Variants in HMGA2 observed in about 807,000 individuals in gnomAD.
The protein encoded by HMGA2 is high mobility group AT-hook 2.
In HMGA2, 8 loss-of-function variants were observed where a neutral mutation model predicts 19.1. That is an observed-to-expected ratio of 0.42 (90% CI 0.25 to 0.76). HMGA2 has a LOEUF of 0.76. HMGA2 is among the 30% of genes least tolerant of loss of function. The pLI is 0.28. For synonymous variants in HMGA2, 60 were observed against 48.8 expected (o/e 1.23, Z -0.96); for missense variants, 109 against 136.3 (o/e 0.80, Z 1.00).
At chr12:65,877,764 G>A (rs1045738699) in intron 3 of HMGA2, among the ~76,000 whole-genome samples, 2 of 151,888 alleles carry the variant, frequency 1.3e-5, no homozygotes, top group South Asian at 4.2e-4. Context: ...TGGAGCAATG[G>A]ATGACCTGCC....
chr12:65,828,222 T>A, intron 2 of HMGA2, 135 bp downstream of exon 2: 1 of 715,396 alleles, frequency 1.4e-6, no homozygotes, highest in Non-Finnish European at 2.6e-6. Flanking sequence ...TTCTTACATT[T>A]AACATTAGTT....
intron 3 of HMGA2, among the ~76,000 whole-genome samples, chr12:65,944,258 G>A (rs1034111911): frequency 6.6e-6 from 1 of 152,132 alleles, no homozygotes; most frequent in Non-Finnish European, 1.5e-5. Context: ...TTAATTCAAA[G>A]TGACAGTTTT....
chr12:65,958,348 T>G (rs2121324264), intron 4 of HMGA2: 1 of 152,358 alleles, frequency 6.6e-6, no homozygotes, highest in African/African-American at 2.4e-5. Flanking sequence ...CGCCTAGCAT[T>G]TCCACCAGAA....
intron 3 of HMGA2, among the ~76,000 whole-genome samples, chr12:65,870,487 T>C (rs1433223832): frequency 6.6e-6 from 1 of 152,256 alleles, no homozygotes; most frequent in East Asian, 1.9e-4. Context: ...TCCCAGCACT[T>C]TGGGAGGCCG....
intron 3 of HMGA2, among the ~76,000 whole-genome samples, chr12:65,899,420 C>T (rs2121169313): frequency 6.6e-6 from 1 of 152,344 alleles, no homozygotes; most frequent in East Asian, 1.9e-4. Flanking sequence ...CACTGGCTCT[C>T]TTCCTTATTA....
At chr12:65,948,160 C>T (rs1207516318) in intron 3 of HMGA2, among the ~76,000 whole-genome samples, 1 of 152,070 alleles carries the variant, frequency 6.6e-6, no homozygotes. Context: ...CCTGGACCCT[C>T]CCAGTAACAA....
intron 3 of HMGA2, among the ~76,000 whole-genome samples, chr12:65,879,289 G>T (rs900347986): frequency 1.5e-5 from 2 of 136,822 alleles, no homozygotes; most frequent in African/African-American, 6.4e-5. Context: ...CACCATACCA[G>T]CTATTTTTTT....
intron 3 of HMGA2, among the ~76,000 whole-genome samples, chr12:65,896,651 G>A (rs1040318794): frequency 1.3e-5 from 2 of 152,160 alleles, no homozygotes; most frequent in African/African-American, 4.8e-5. Context: ...GCTGCTACTC[G>A]TAAGTCAATG....
chr12:65,911,470 C>A (rs573092565), intron 3 of HMGA2, among the ~76,000 whole-genome samples: 2 of 152,280 alleles, frequency 1.3e-5, no homozygotes, highest in African/African-American at 4.8e-5. Flanking sequence ...CTCTACTCAA[C>A]AGAGCAGCTT....
At chr12:65,881,394 C>T in intron 3 of HMGA2, 1 of 290,700 alleles carries the variant, frequency 3.4e-6, no homozygotes, top group Non-Finnish European at 6.5e-6. Flanking sequence ...ATCTGCCTTC[C>T]CTCCAACATC....
chr12:65,866,703 C>G, intron 3 of HMGA2: 1 of 421,194 alleles, frequency 2.4e-6, no homozygotes, highest in Middle Eastern at 3.5e-4. Context: ...TAGCCCGCTT[C>G]TCATTCTTCA....
At chr12:65,854,499 G>C (rs1221843842) in intron 3 of HMGA2, among the ~76,000 whole-genome samples, 1 of 152,098 alleles carries the variant, frequency 6.6e-6, no homozygotes, top group Non-Finnish European at 1.5e-5. Context: ...GTACTTATTT[G>C]TGTGTGTGTA....
intron 2 of HMGA2, 34 bp downstream of exon 2, chr12:65,828,121 A>G: frequency 6.8e-7 from 1 of 1,471,452 alleles, no homozygotes; most frequent in Non-Finnish European, 9.5e-7. Flanking sequence ...TCCTAACTTC[A>G]TCAATGACTG....
At chr12:65,901,579 G>A (rs1223200117) in intron 3 of HMGA2, among the ~76,000 whole-genome samples, 1 of 152,172 alleles carries the variant, frequency 6.6e-6, no homozygotes, top group African/African-American at 2.4e-5. Flanking sequence ...AATAGCAAGT[G>A]AAACAAATTA....
At chr12:65,952,407 C>T (rs775872017) in intron 4 of HMGA2, 3 of 1,534,754 alleles carry the variant, frequency 2.0e-6, no homozygotes, top group South Asian at 1.2e-5. Context: ...TATATATCTA[C>T]TGTTCTCTAA....
Position 65,855,458 on chromosome 12 carries a change from T to TCTCACACACA in HMGA2, c.249+16890_249+16891insTCACACACAC, listed in dbSNP as rs140365204. Among the ~76,000 whole-genome samples the TCTCACACACA allele has an allele frequency of 1.1e-3, 155 of 140,230 alleles. 1 individual carries two copies. Among genetic ancestry groups the TCTCACACACA allele is most frequent in the African/African-American group, 4.0e-3 (146 of 36,158 alleles). 92.0% of individuals were successfully genotyped at this position (140,230 alleles called of 152,430 possible). On this transcript the variant is annotated intron_variant, in intron 3 of 4. Coordinates refer to ENST00000403681, the MANE Select transcript of HMGA2 (RefSeq NM_003483.6). ...TTCTCTTTCTCTCTCTCTCTCTCTC[T>TCTCACACACA]CACACACACACACACACACACACAC... is the stretch of plus-strand genomic sequence containing the variant.
intron 3 of HMGA2, among the ~76,000 whole-genome samples, chr12:65,882,508 C>T (rs541851002): frequency 6.6e-6 from 1 of 152,314 alleles, no homozygotes; most frequent in Non-Finnish European, 1.5e-5. Flanking sequence ...AGACATGTGA[C>T]GTATCTGAGC....
chr12:65,939,511 A>C (rs909821827), intron 3 of HMGA2, among the ~76,000 whole-genome samples: 2 of 152,092 alleles, frequency 1.3e-5, no homozygotes, highest in South Asian at 2.1e-4. Context: ...ACCCACCACC[A>C]CACCTGGCTA....
intron 3 of HMGA2, chr12:65,915,592 TA>T: frequency 9.6e-7 from 1 of 1,039,454 alleles, no homozygotes; most frequent in Non-Finnish European, 1.2e-6. Flanking sequence ...ATTCCATTGG[TA>T]TTTTCCTGTG....
Sources: allele counts gnomAD v4.1 joint callset (sites outside exome capture counted in the v4.1 genomes callset), GRCh38; gene constraint gnomAD v4.1.1; transcripts MANE v1.5; gene names NCBI Gene and HGNC (gene_info 2026-07-23, HGNC 2026-07-21).